The following SCUBE2 variants were observed in gnomAD, a reference collection of about 807,000 sequenced individuals.
SCUBE2 encodes signal peptide, CUB and EGF-like domain-containing protein 2.
A neutral mutation model predicts 125.9 loss-of-function variants in SCUBE2; 114 were observed. The observed-to-expected ratio is 0.91, with a 90% CI of 0.78 to 1.06. The LOEUF (loss-of-function observed/expected upper bound fraction) is 1.06. Ranked by LOEUF, SCUBE2 falls within the 50% of genes least tolerant of loss-of-function variation. The probability of loss-of-function intolerance (pLI) is 0.00; values close to 1 mark genes in which losing one functional copy is unlikely to be tolerated. For missense variants in SCUBE2, 1,255 were observed against 1,301.8 expected (o/e 0.96, Z 0.55); for synonymous variants, 459 against 492.9 (o/e 0.93, Z 0.91).
chr11:9,073,341 C>T (rs1296649600), intron 4 of SCUBE2, among the ~76,000 whole-genome samples: 3 of 152,144 alleles, frequency 2.0e-5, no homozygotes, highest in African/African-American at 7.2e-5. Context: ...GTGACTTCCC[C>T]GCCCCAAACG....
At chr11:9,059,715 C>T in intron 8 of SCUBE2, 1 of 385,738 alleles carries the variant, frequency 2.6e-6, no homozygotes, top group South Asian at 4.7e-5. Context: ...CTGTTATATT[C>T]TCATCTTTGT....
Position 9,055,806 on chromosome 11 carries a change from G to A in SCUBE2, c.1194C>T (p.Phe398=). The A allele has an allele frequency of 6.2e-7, 1 of 1,613,926 alleles. No individual in the cohort carries two copies. The highest frequency in any genetic ancestry group is 8.5e-7 in the Non-Finnish European group (1 of 1,179,832). The change falls in exon 10 of 23, where the codon TTC becomes TTT. Residue 398 remains phenylalanine (F), a synonymous_variant. Coordinates refer to ENST00000649792, the MANE Select transcript of SCUBE2 (RefSeq NM_001367977.2). ...CAGTCTGCTCACCTCCACAGTGGGTGAAGCCATACAGGGTGTACCCTCGGT... is the reference window on the plus strand; with the variant it reads ...CAGTCTGCTCACCTCCACAGTGGGTAAAGCCATACAGGGTGTACCCTCGGT... ...ACNRGYTLYG[F]THCGDTNECS... is the part of the protein sequence containing the mutation.
At chr11:9,086,891 A>G (rs2135995462) in intron 2 of SCUBE2, among the ~76,000 whole-genome samples, 1 of 151,612 alleles carries the variant, frequency 6.6e-6, no homozygotes, top group East Asian at 1.9e-4. Flanking sequence ...ATCCTTACTT[A>G]CTAGTATTGT....
In SCUBE2 at chr11:9,065,951, C is replaced by A. The variant is rs1860183837; in HGVS notation, c.790G>T (p.Glu264Ter). 5 of 1,614,192 alleles carry A rather than the reference C, an allele frequency of 3.1e-6. No individual in the cohort carries two copies. The highest frequency in any genetic ancestry group is 2.2e-5 in the East Asian group (1 of 44,894). The change falls in exon 7 of 23, where the codon GAG (glutamate) becomes TAG (stop). Residue 264 changes from glutamate (E) to a stop codon, truncating the protein, a stop_gained. Coordinates refer to ENST00000649792, the MANE Select transcript of SCUBE2 (RefSeq NM_001367977.2). LOFTEE classifies it high-confidence loss of function. ...TCCACCACTGATGTGGTGTTGCTCT[C>A]TGTCACCTCCAGGACAGTGTCCTCT... ...EREDTVLEVT[E>*]SNTTSVVDGD...
In SCUBE2 at chr11:9,027,470, C is replaced by G. The variant is rs376981822; in HGVS notation, c.2595G>C (p.Thr865=). ...PGNYPANTEC[T]WTINPPPKRR... is the part of the protein sequence containing the mutation. ...GCTTGGGGGGTGGGTTGATGGTCCA[C>G]GTACACTCGGTGTTGGCTGGGTAAT... The change falls in exon 20 of 23, where the codon ACG becomes ACC. Residue 865 remains threonine (T), a synonymous_variant. Transcript: ENST00000649792. The G allele has an allele frequency of 1.9e-6, 3 of 1,613,944 alleles. No individual in the cohort carries two copies. Among genetic ancestry groups the G allele is most frequent in the South Asian group, 1.1e-5 (1 of 91,076 alleles).
At chr11:9,035,014 A>G (rs1450646571) in intron 16 of SCUBE2, among the ~76,000 whole-genome samples, 3 of 152,186 alleles carry the variant, frequency 2.0e-5, no homozygotes, top group East Asian at 1.9e-4. Flanking sequence ...AAAAAAATCA[A>G]TACAACAAAG....
intron 17 of SCUBE2, among the ~76,000 whole-genome samples, chr11:9,032,471 C>T (rs1398730226): frequency 6.6e-6 from 1 of 152,118 alleles, no homozygotes; most frequent in African/African-American, 2.4e-5. Flanking sequence ...CAGTGGCTCA[C>T]GCCTGTAATA....
At chr11:9,024,843 C>T (rs1377790547) in intron 21 of SCUBE2, among the ~76,000 whole-genome samples, 3 of 152,212 alleles carry the variant, frequency 2.0e-5, no homozygotes, top group African/African-American at 7.2e-5. Context: ...TCCATGCTCA[C>T]ATAGGGCTTT....
At chr11:9,077,166 A>G (rs1316574261) in intron 3 of SCUBE2, among the ~76,000 whole-genome samples, 2 of 152,186 alleles carry the variant, frequency 1.3e-5, no homozygotes, top group Non-Finnish European at 2.9e-5. Flanking sequence ...CCAGACCATA[A>G]AACAGTGGTT....
In SCUBE2 at chr11:9,047,985, T is replaced by G; in HGVS notation, c.1753A>C (p.Thr585Pro). 6.2e-7 allele frequency: 1 copy of G among 1,614,154 alleles called. No homozygotes were observed. The highest frequency in any genetic ancestry group is 8.5e-7 in the Non-Finnish European group (1 of 1,180,008). ...RPSTPKEMFITVEFELETNQK... is the reference protein window; with the variant it reads ...RPSTPKEMFIPVEFELETNQK... Reference sequence around the variant, plus strand: ...TTAGTTTCAAGCTCAAACTCAACAGTGATAAACATTTCCTTAGGGGTGCTT... The same window carrying G: ...TTAGTTTCAAGCTCAAACTCAACAGGGATAAACATTTCCTTAGGGGTGCTT... The change falls in exon 15 of 23, where the codon ACT becomes CCT. Residue 585 changes from threonine (T) to proline (P), a missense_variant. By Grantham distance (38) the Thr-to-Pro change is conservative (BLOSUM62 -1). This residue lies in a region of SCUBE2 where 378 missense variants were observed against 463.1 expected (regional missense o/e 0.82). Coordinates refer to ENST00000649792, the MANE Select transcript of SCUBE2 (RefSeq NM_001367977.2).
intron 17 of SCUBE2, among the ~76,000 whole-genome samples, chr11:9,032,910 G>A (rs1247345167): frequency 6.6e-6 from 1 of 152,140 alleles, no homozygotes; most frequent in Non-Finnish European, 1.5e-5. Context: ...TCAGTTTGGA[G>A]TTATTTAGGT....
At chr11:9,053,847 G>C in intron 10 of SCUBE2, 88 bp from the exon 11 acceptor site, 1 of 1,510,698 alleles carries the variant, frequency 6.6e-7, no homozygotes, top group Admixed American at 1.8e-5. Context: ...CAGCAGGGGA[G>C]TCACAAGGTT....
intron 4 of SCUBE2, among the ~76,000 whole-genome samples, chr11:9,071,038 C>G (rs1327649615): frequency 6.6e-6 from 1 of 152,158 alleles, no homozygotes; most frequent in Non-Finnish European, 1.5e-5. Flanking sequence ...GATTTGCACC[C>G]CAGTACTGAG....
At chr11:9,023,568 A>T (rs1288043313) in intron 21 of SCUBE2, among the ~76,000 whole-genome samples, 3 of 152,186 alleles carry the variant, frequency 2.0e-5, no homozygotes, top group African/African-American at 7.2e-5. Context: ...GTTTAAAAAA[A>T]ATATTTCTTC....
chr11:9,079,362 C>T, intron 3 of SCUBE2, 22 bp downstream of exon 3: 1 of 1,613,436 alleles, frequency 6.2e-7, no homozygotes, highest in Non-Finnish European at 8.5e-7. Context: ...GGAGAATTGC[C>T]ATTTCCAAAT....
chr11:9,033,657 G>C lies in SCUBE2; in HGVS notation c.2142C>G (p.Thr714=). ...ATTCAGACATATTCCAAGCTTCTGGGGTCTTCAGGGCCCCAGAATTTCCTG... is the reference window on the plus strand; with the variant it reads ...ATTCAGACATATTCCAAGCTTCTGGCGTCTTCAGGGCCCCAGAATTTCCTG... The part of the protein sequence containing the change: ...PRPGNSGALK[T]PEAWNMSECG... The change falls in exon 17 of 23, where the codon ACC becomes ACG. Residue 714 remains threonine (T), a synonymous_variant. Coordinates refer to ENST00000649792, the MANE Select transcript of SCUBE2 (RefSeq NM_001367977.2). The C allele has an allele frequency of 6.2e-7, 1 of 1,614,038 alleles. No homozygotes were observed.
At position 9,074,539 on chromosome 11, in the gene SCUBE2, G is replaced by A. The variant is rs2003885; in HGVS notation, c.459C>T (p.Cys153=). Residue 153 remains cysteine, a synonymous_variant, in exon 4 of 23, where the codon TGC becomes TGT. Transcript: ENST00000649792. Reference sequence around the variant, plus strand: ...CACTCAGGAAAAACCCCTCCTTGCAGCAGCACTCATAGCTCCCCATGACGT... The same window carrying A: ...CACTCAGGAAAAACCCCTCCTTGCAACAGCACTCATAGCTCCCCATGACGT... ...CVNVMGSYEC[C]CKEGFFLSDN... is the part of the protein sequence containing the mutation. The A allele has an allele frequency of 4.4e-3, 7,112 of 1,614,176 alleles. 245 individuals are homozygous for A. The African/African-American group carries it at 0.084, about 19-fold the overall frequency.
chr11:9,078,163 G>GT (rs1258144129), intron 3 of SCUBE2, among the ~76,000 whole-genome samples: 3 of 152,334 alleles, frequency 2.0e-5, no homozygotes, highest in Admixed American at 2.0e-4. Flanking sequence ...ATTTGTCTGA[G>GT]TTTTTAATTA....
intron 10 of SCUBE2, among the ~76,000 whole-genome samples, chr11:9,054,725 A>ATTTTTTTTTTTTTTTTT (rs1174774188): frequency 4.5e-5 from 1 of 22,348 alleles, no homozygotes; most frequent in Non-Finnish European, 7.1e-5. Flanking sequence ...ATATATATAT[A>ATTTTTTTTTTTTTTTTT]TTTTTTTTTT....
Sources: allele counts gnomAD v4.1 joint callset (sites outside exome capture counted in the v4.1 genomes callset), GRCh38; gene constraint gnomAD v4.1.1; regional missense constraint gnomAD v4.1.1; transcripts MANE v1.5; gene names NCBI Gene and HGNC (gene_info 2026-07-23, HGNC 2026-07-21).